SYT1: variants seen among roughly 807,000 people sequenced by gnomAD.
SYT1 encodes synaptotagmin 1.
A neutral mutation model predicts 44.8 loss-of-function variants in SYT1; 8 were observed. That is an observed-to-expected ratio of 0.18 (90% confidence interval 0.10 to 0.32). The LOEUF is 0.32. SYT1 is among the 10% of genes least tolerant of loss of function. The probability of loss-of-function intolerance (pLI) is 1.00; values close to 1 mark genes in which losing one functional copy is unlikely to be tolerated. For missense variants in SYT1, 286 were observed against 509.3 expected (o/e 0.56, Z 4.22); for synonymous variants, 154 against 188.8 (o/e 0.82, Z 1.51).
chr12:79,049,333 T>C (rs1217913260), intron 3 of SYT1, among the ~76,000 whole-genome samples: 1 of 151,906 alleles, frequency 6.6e-6, no homozygotes, highest in African/African-American at 2.4e-5. Flanking sequence ...AAAAATAACA[T>C]ACATGTTTCC....
At chr12:78,958,700 G>C (rs1450359603) in intron 1 of SYT1, among the ~76,000 whole-genome samples, 1 of 141,872 alleles carries the variant, frequency 7.0e-6, no homozygotes, top group Non-Finnish European at 1.6e-5. Context: ...TTTCTGAAGA[G>C]AAAAAAAAAA....
chr12:79,366,258 T>G (rs1350674880), intron 9 of SYT1, among the ~76,000 whole-genome samples: 1 of 152,234 alleles, frequency 6.6e-6, no homozygotes, highest in Non-Finnish European at 1.5e-5. Flanking sequence ...ATGTTAGTGT[T>G]TTATGTTTAT....
chr12:79,077,047 T>A (rs1876706750), intron 3 of SYT1, among the ~76,000 whole-genome samples: 1 of 152,236 alleles, frequency 6.6e-6, no homozygotes, highest in Admixed American at 6.5e-5. Flanking sequence ...GGTGTTTTAG[T>A]GCAGGCTGCA....
intron 3 of SYT1, among the ~76,000 whole-genome samples, chr12:79,203,074 A>G (rs1007351575): frequency 1.6e-5 from 2 of 125,812 alleles, no homozygotes; most frequent in African/African-American, 6.7e-5. Context: ...CCTAGTAGAT[A>G]ATAAGCCTAT....
intron 1 of SYT1, among the ~76,000 whole-genome samples, chr12:78,966,208 A>C (rs1879764820): frequency 6.6e-6 from 1 of 152,092 alleles, no homozygotes; most frequent in African/African-American, 2.4e-5. Context: ...CATTTGCTGA[A>C]CATTAAACAT....
At chr12:79,423,286 T>C (rs1010060052) in intron 9 of SYT1, among the ~76,000 whole-genome samples, 8 of 152,212 alleles carry the variant, frequency 5.3e-5, no homozygotes, top group African/African-American at 1.9e-4. Flanking sequence ...GACTTATTAC[T>C]AGAAAGGAGG....
intron 9 of SYT1, among the ~76,000 whole-genome samples, chr12:79,428,352 G>A (rs1490186231): frequency 1.3e-5 from 2 of 152,088 alleles, no homozygotes; most frequent in African/African-American, 2.4e-5. Context: ...CTCACCTGGA[G>A]GCCACACTGA....
chr12:79,252,846 C>A (rs769285956), intron 4 of SYT1, among the ~76,000 whole-genome samples: 1 of 152,102 alleles, frequency 6.6e-6, no homozygotes, highest in Non-Finnish European at 1.5e-5. Context: ...CAGATAAAGT[C>A]AAGTAATGGA....
At chr12:79,377,040 A>G (rs895005309) in intron 9 of SYT1, among the ~76,000 whole-genome samples, 2 of 152,204 alleles carry the variant, frequency 1.3e-5, no homozygotes, top group Non-Finnish European at 2.9e-5. Context: ...TATCTATTGA[A>G]TGCTTACTGT....
At chr12:79,392,807 T>TC (rs1437905696) in intron 9 of SYT1, 1 of 151,214 alleles carries the variant, frequency 6.6e-6, no homozygotes, top group East Asian at 1.9e-4. Context: ...TCTTTTTTTT[T>TC]TTTTTTTTTA....
intron 3 of SYT1, among the ~76,000 whole-genome samples, chr12:79,146,253 A>C (rs1408451386): frequency 2.0e-5 from 3 of 152,006 alleles, no homozygotes; most frequent in African/African-American, 7.2e-5. Context: ...ACAACACACT[A>C]CTCCGTCCTC....
chr12:79,424,953 C>CTTTTTTTTTTTTTTT (rs398040025), intron 9 of SYT1, among the ~76,000 whole-genome samples: 1 of 85,254 alleles, frequency 1.2e-5, no homozygotes. Flanking sequence ...TTTTCTTCTT[C>CTTTTTTTTTTTTTTT]TTTTTTTTTT....
chr12:79,286,955 C>T (rs1879343390), intron 5 of SYT1, among the ~76,000 whole-genome samples: 1 of 152,070 alleles, frequency 6.6e-6, no homozygotes, highest in South Asian at 2.1e-4. Context: ...ATAAATTCCT[C>T]TTATACTATT....
intron 1 of SYT1, among the ~76,000 whole-genome samples, chr12:78,916,284 G>T (rs1876649325): frequency 6.6e-6 from 1 of 151,858 alleles, no homozygotes; most frequent in South Asian, 2.1e-4. Flanking sequence ...CCAAACGTAT[G>T]GTTTCTTGTT....
At chr12:78,928,702 T>A (rs1195228274) in intron 1 of SYT1, among the ~76,000 whole-genome samples, 1 of 152,080 alleles carries the variant, frequency 6.6e-6, no homozygotes, top group East Asian at 1.9e-4. Flanking sequence ...ACAGCTTGGA[T>A]ACACTGGACA....
intron 1 of SYT1, among the ~76,000 whole-genome samples, chr12:78,949,972 TTTTTTCACAA>T (rs1878876782): frequency 6.6e-6 from 1 of 152,020 alleles, no homozygotes; most frequent in South Asian, 2.1e-4. Context: ...CAGAATAACT[TTTTTTCACAA>T]GTTACAAATA....
chr12:79,045,198 T>A (rs556205040), intron 2 of SYT1, among the ~76,000 whole-genome samples: 2 of 152,360 alleles, frequency 1.3e-5, no homozygotes, highest in South Asian at 4.1e-4. Context: ...GCCCGGGCAA[T>A]GGCGGGCGCC....
At chr12:79,023,028 G>A (rs573321860) in intron 2 of SYT1, among the ~76,000 whole-genome samples, 6 of 151,736 alleles carry the variant, frequency 4.0e-5, no homozygotes, top group Non-Finnish European at 8.8e-5. Context: ...GAGGTCATGA[G>A]TTATGAATTG....
chr12:79,176,597 G>T (rs185792780), intron 3 of SYT1, among the ~76,000 whole-genome samples: 16 of 152,082 alleles, frequency 1.1e-4, no homozygotes, highest in Non-Finnish European at 2.1e-4. Flanking sequence ...TACATTTATT[G>T]GGGGCTTTGT....
Sources: gnomAD v4.1 joint callset for allele counts (sites outside exome capture counted in the v4.1 genomes callset) on GRCh38, gnomAD v4.1.1 for gene constraint, MANE v1.5 for transcripts, NCBI Gene and HGNC (gene_info 2026-07-23, HGNC 2026-07-21) for gene names.